The following KATNIP variants were observed in gnomAD, a reference collection of about 807,000 sequenced individuals.
The protein encoded by KATNIP is katanin interacting protein, also known as katanin-interacting protein.
KATNIP carries 126 observed loss-of-function variants against 174.0 expected under a neutral mutation model. The ratio of observed to expected loss-of-function variants is 0.72; its 90% CI spans 0.63 to 0.84. The LOEUF (loss-of-function observed/expected upper bound fraction) is 0.84. KATNIP is among the 40% of genes least tolerant of loss of function. The probability of loss-of-function intolerance (pLI) is 0.00; values close to 1 mark genes in which losing one functional copy is unlikely to be tolerated. For synonymous variants in KATNIP, 810 were observed against 835.7 expected (o/e 0.97, Z 0.53); for missense variants, 1,958 against 2,109.7 (o/e 0.93, Z 1.41).
intron 13 of KATNIP, among the ~76,000 whole-genome samples, chr16:27,719,688 CT>C (rs766052561): frequency 0.021 from 2,943 of 138,586 alleles, 46 homozygotes; most frequent in African/African-American, 0.043. Flanking sequence ...GCCCTTATTT[CT>C]TTTTTTTTTT....
intron 7 of KATNIP, among the ~76,000 whole-genome samples, chr16:27,678,721 G>C (rs1265708317): frequency 1.3e-5 from 2 of 152,204 alleles, no homozygotes; most frequent in Non-Finnish European, 2.9e-5. Flanking sequence ...ATAGGACTAA[G>C]GGGTGTGGTT....
chr16:27,674,151 A>C (rs906727729), intron 6 of KATNIP, among the ~76,000 whole-genome samples: 2 of 152,230 alleles, frequency 1.3e-5, no homozygotes, highest in African/African-American at 4.8e-5. Flanking sequence ...ATTTTATTAA[A>C]TGTGTATCAC....
chr16:27,744,670 G>A (rs2081222173), intron 15 of KATNIP, among the ~76,000 whole-genome samples: 1 of 151,958 alleles, frequency 6.6e-6, no homozygotes, highest in African/African-American at 2.4e-5. Flanking sequence ...ATCACCTGAG[G>A]TCAAGAATTC....
chr16:27,681,707 A>T (rs1327349428), intron 8 of KATNIP, among the ~76,000 whole-genome samples, 177 bp downstream of exon 8: 1 of 152,186 alleles, frequency 6.6e-6, no homozygotes, highest in Non-Finnish European at 1.5e-5. Context: ...ATGGAGGGAG[A>T]GTGAGAGAGA....
intron 6 of KATNIP, among the ~76,000 whole-genome samples, chr16:27,656,391 C>G (rs1373550276): frequency 7.4e-6 from 1 of 135,566 alleles, no homozygotes; most frequent in Non-Finnish European, 1.5e-5. Context: ...ACACTCCAGC[C>G]TAGGCAACAG....
In KATNIP at chr16:27,749,730, C is replaced by T; in HGVS notation, c.2770C>T (p.Leu924=). The T allele has an allele frequency of 6.2e-7, 1 of 1,613,178 alleles. No homozygotes were observed. Among genetic ancestry groups the T allele is most frequent in the Non-Finnish European group, 8.5e-7 (1 of 1,179,554 alleles). ...ISNTELPGDI[L]DELLQQKSSR... Reference sequence around the variant, plus strand: ...CAACACGGAGCTCCCGGGGGACATCCTGGATGAGCTCCTGCAGCAAAAGAG... The same window carrying T: ...CAACACGGAGCTCCCGGGGGACATCTTGGATGAGCTCCTGCAGCAAAAGAG... The change falls in exon 16 of 28, where the codon CTG becomes TTG. Residue 924 remains leucine, a synonymous_variant. Transcript: ENST00000261588.
At chr16:27,762,821 G>A (rs2081998637) in intron 19 of KATNIP, among the ~76,000 whole-genome samples, 2 of 152,184 alleles carry the variant, frequency 1.3e-5, no homozygotes, top group African/African-American at 4.8e-5. Flanking sequence ...CTTGGAGCCT[G>A]GAGACCTGGC....
chr16:27,671,303 C>T (rs186632730), intron 6 of KATNIP, among the ~76,000 whole-genome samples: 10 of 152,264 alleles, frequency 6.6e-5, no homozygotes, highest in Admixed American at 4.6e-4. Flanking sequence ...AAATTGAGTT[C>T]GTGTTATATG....
intron 22 of KATNIP, among the ~76,000 whole-genome samples, 177 bp from the exon 23 acceptor site, chr16:27,772,922 A>G (rs572213268): frequency 3.3e-5 from 5 of 152,276 alleles, no homozygotes; most frequent in Admixed American, 2.6e-4. Flanking sequence ...CACACATGCA[A>G]TTTAAGAAAA....
At chr16:27,600,749 G>C (rs1458225224) in intron 2 of KATNIP, among the ~76,000 whole-genome samples, 2 of 142,946 alleles carry the variant, frequency 1.4e-5, no homozygotes, top group East Asian at 2.0e-4. Context: ...TTTTTTTTTA[G>C]ACGGAGTTTT....
At chr16:27,670,966 T>G (rs370750960) in intron 6 of KATNIP, among the ~76,000 whole-genome samples, 1 of 152,008 alleles carries the variant, frequency 6.6e-6, no homozygotes, top group African/African-American at 2.4e-5. Context: ...CCACGGCAGG[T>G]GGATCACCTG....
At chr16:27,690,358 ATAGATGATAGATAG>A (rs2078679312) in intron 8 of KATNIP, among the ~76,000 whole-genome samples, 1 of 106,726 alleles carries the variant, frequency 9.4e-6, no homozygotes, top group Non-Finnish European at 2.1e-5. Flanking sequence ...AGATAGATAG[ATAGATGATAGATAG>A]ATAGATAGAT....
chr16:27,765,820 G>A (rs1017885732), intron 19 of KATNIP, among the ~76,000 whole-genome samples: 2 of 152,100 alleles, frequency 1.3e-5, no homozygotes, highest in African/African-American at 2.4e-5. Context: ...CCTCATGATG[G>A]CACCTTAACC....
chr16:27,698,258 G>T, intron 8 of KATNIP, 70 bp from the exon 9 acceptor site: 1 of 1,443,194 alleles, frequency 6.9e-7, no homozygotes, highest in South Asian at 1.4e-5. Flanking sequence ...CTCAATTGGG[G>T]TCTAATGGGT....
At chr16:27,571,330 G>A (rs2090283831) in intron 1 of KATNIP, among the ~76,000 whole-genome samples, 2 of 152,050 alleles carry the variant, frequency 1.3e-5, no homozygotes. Context: ...ACCACGACTG[G>A]CCACATTAAT....
At chr16:27,642,359 C>A (rs958618487) in intron 5 of KATNIP, among the ~76,000 whole-genome samples, 17 of 152,132 alleles carry the variant, frequency 1.1e-4, no homozygotes, top group Admixed American at 7.2e-4. Flanking sequence ...GGGAATTGAA[C>A]AATGAGAACA....
At chr16:27,643,021 G>A (rs1048228878) in intron 5 of KATNIP, among the ~76,000 whole-genome samples, 1 of 152,124 alleles carries the variant, frequency 6.6e-6, no homozygotes, top group Non-Finnish European at 1.5e-5. Context: ...GCCTCAGCCC[G>A]TATTTGTAAA....
At chr16:27,620,745 A>T (rs116736848) in intron 3 of KATNIP, among the ~76,000 whole-genome samples, 3,325 of 152,160 alleles carry the variant, frequency 0.022, 135 homozygotes, top group African/African-American at 0.076. Flanking sequence ...AGAAGGGGGG[A>T]TGTAATCGTT....
intron 2 of KATNIP, among the ~76,000 whole-genome samples, chr16:27,615,869 G>T (rs1257203093): frequency 6.6e-6 from 1 of 152,190 alleles, no homozygotes; most frequent in African/African-American, 2.4e-5. Context: ...GCCATATTTT[G>T]AGAAGTTAAG....
Sources: gnomAD v4.1 joint callset for allele counts (sites outside exome capture counted in the v4.1 genomes callset) on GRCh38, gnomAD v4.1.1 for gene constraint, MANE v1.5 for transcripts, NCBI Gene and HGNC (gene_info 2026-07-23, HGNC 2026-07-21) for gene names.